SLC5A12: variants seen among roughly 807,000 people sequenced by gnomAD.
SLC5A12 encodes sodium-coupled monocarboxylate transporter 2.
Under a neutral mutation model 72.7 loss-of-function variants are expected in SLC5A12, and 46 were observed. The ratio of observed to expected loss-of-function variants is 0.63; its 90% confidence interval spans 0.50 to 0.81. The LOEUF is 0.81. Among genes scored for constraint, SLC5A12 ranks in the 30% least tolerant of loss-of-function variants. SLC5A12 has a pLI of 0.00. For synonymous variants in SLC5A12, 275 were observed against 264.4 expected (o/e 1.04, Z -0.39); for missense variants, 683 against 740.7 (o/e 0.92, Z 0.90).
intron 12 of SLC5A12, among the ~76,000 whole-genome samples, chr11:26,679,798 G>C (rs890226559): frequency 6.6e-6 from 1 of 152,096 alleles, no homozygotes; most frequent in Non-Finnish European, 1.5e-5. Context: ...AAAAGGTTGT[G>C]TTTTATTCCA....
At chr11:26,682,843 G>C (rs1854441348) in intron 11 of SLC5A12, among the ~76,000 whole-genome samples, 1 of 151,956 alleles carries the variant, frequency 6.6e-6, no homozygotes, top group African/African-American at 2.4e-5. Flanking sequence ...CCCAATATCA[G>C]ACAAGTGATT....
In SLC5A12 at chr11:26,671,047, T is replaced by TGTGTGTGTGTG; in HGVS notation, c.*54_*55insCACACACACAC. ...CAAGTAGGCAAGAAGTATGTGGAGT[T>TGTGTGTGTGTG]TGTGTGTGTGTGTGTGTATTGCACG... On this transcript the variant is annotated 3_prime_UTR_variant, in exon 15 of 15. Coordinates refer to ENST00000396005, the MANE Select transcript of SLC5A12 (RefSeq NM_178498.4). The TGTGTGTGTGTG allele has an allele frequency of 1.5e-6, 2 of 1,354,112 alleles. No individual in the cohort carries two copies. The highest frequency in any genetic ancestry group is 2.0e-6 in the Non-Finnish European group (2 of 991,512). The allele number at this position is 1,354,112 out of a possible 1,614,324, so 83.9% of individuals were successfully genotyped here.
intron 4 of SLC5A12, among the ~76,000 whole-genome samples, chr11:26,708,431 G>T (rs1855140956): frequency 6.6e-6 from 1 of 152,024 alleles, no homozygotes; most frequent in South Asian, 2.1e-4. Flanking sequence ...AATGGGATTT[G>T]CAAGTATGAA....
At chr11:26,695,388 G>A (rs1169051538) in intron 8 of SLC5A12, among the ~76,000 whole-genome samples, 1 of 151,820 alleles carries the variant, frequency 6.6e-6, no homozygotes, top group Non-Finnish European at 1.5e-5. Context: ...AATAAAGCAG[G>A]AACTTCACTT....
chr11:26,690,240 T>C (rs1024717286), intron 9 of SLC5A12, among the ~76,000 whole-genome samples: 1 of 152,060 alleles, frequency 6.6e-6, no homozygotes, highest in Admixed American at 6.6e-5. Context: ...TAGTAATGAA[T>C]AGCCAAAATT....
intron 6 of SLC5A12, among the ~76,000 whole-genome samples, chr11:26,700,657 C>T (rs2133190053): frequency 6.6e-6 from 1 of 152,266 alleles, no homozygotes; most frequent in Admixed American, 6.5e-5. Context: ...CCTGCATCAA[C>T]TCCTTCTACC....
chr11:26,696,717 C>T (rs1174141933), intron 8 of SLC5A12, among the ~76,000 whole-genome samples: 2 of 152,162 alleles, frequency 1.3e-5, no homozygotes, highest in Non-Finnish European at 1.5e-5. Context: ...GGGCTATCAT[C>T]ATATATGCAG....
intron 10 of SLC5A12, among the ~76,000 whole-genome samples, chr11:26,685,389 G>T (rs1290612650): frequency 6.6e-6 from 1 of 152,144 alleles, no homozygotes; most frequent in Non-Finnish European, 1.5e-5. Flanking sequence ...GGAGGCCGAG[G>T]CTGGTGGATC....
chr11:26,721,533 A>C lies in SLC5A12; in HGVS notation c.182T>G (p.Phe61Cys), dbSNP rs1855480490. ...GPVGLSLTAS[F>C]MSAVTVLGTP... ...CCCCAGGACCGTGACAGCTGACATG[A>C]AGCTGGCTGTCAGAGACAAGCCGAC... The change falls in exon 1 of 15, where the codon TTC (phenylalanine) becomes TGC (cysteine). Residue 61 changes from phenylalanine (F) to cysteine (C), a missense_variant. Transcript: ENST00000396005. 6.2e-7 allele frequency: 1 copy of C among 1,614,048 alleles called. No individual in the cohort carries two copies. The highest frequency in any genetic ancestry group is 1.3e-5 in the African/African-American group (1 of 74,932).
At chr11:26,722,463 G>A (rs986994728), upstream of SLC5A12, among the ~76,000 whole-genome samples, 6 of 152,142 alleles carry the variant, frequency 3.9e-5, no homozygotes, top group Admixed American at 1.3e-4. Flanking sequence ...GACTCTCTTT[G>A]TCTTGATCTG....
chr11:26,670,515 ACT>A lies in SLC5A12; in HGVS notation c.*585_*586del, dbSNP rs10611887. ...TAATGTTTGGTCAGGACAGCTAATG[ACT>A]GGAATGACTGGAAGAGGACCTGACA... is the stretch of plus-strand genomic sequence containing the variant. On this transcript the variant is annotated 3_prime_UTR_variant, in exon 15 of 15. Coordinates refer to ENST00000396005, the MANE Select transcript of SLC5A12 (RefSeq NM_178498.4). The A allele has an allele frequency of 0.28, 42,817 of 151,574 alleles. 6,198 individuals carry two copies. The highest frequency in any genetic ancestry group is 0.46 in the East Asian group (2,345 of 5,086). The allele number at this position is 151,574 out of a possible 1,614,324, so 9.4% of individuals were successfully genotyped here. A position where few individuals can be genotyped will look rare whatever the true frequency, so the allele number is the denominator to read the frequency against.
chr11:26,676,280 A>G (rs991862020), intron 13 of SLC5A12, among the ~76,000 whole-genome samples: 2 of 151,956 alleles, frequency 1.3e-5, no homozygotes, highest in Non-Finnish European at 2.9e-5. Flanking sequence ...CTTTGTTGCC[A>G]CTACTCAACT....
At position 26,678,822 on chromosome 11, in the gene SLC5A12, A is replaced by C; in HGVS notation, c.1476-7T>G. ...GGTATCAGCTATTCCAGGTCTGTGG[A>C]GAACAGCACATGTCACCAATTCCAT... is the stretch of plus-strand genomic sequence containing the variant. On this transcript the variant is annotated splice_region_variant and splice_polypyrimidine_tract_variant and intron_variant, in intron 12 of 14. Transcript: ENST00000396005. 1 of 1,590,932 alleles carries C rather than the reference A, an allele frequency of 6.3e-7. No homozygotes were observed. Among genetic ancestry groups the C allele is most frequent in the South Asian group, 1.1e-5 (1 of 90,230 alleles).
intron 7 of SLC5A12, among the ~76,000 whole-genome samples, chr11:26,698,041 G>A (rs1202839108): frequency 6.6e-6 from 1 of 151,896 alleles, no homozygotes; most frequent in Non-Finnish European, 1.5e-5. Context: ...GGGATTACAG[G>A]TGCCCGCCAC....
At chr11:26,719,764 C>T (rs1855435076) in intron 1 of SLC5A12, among the ~76,000 whole-genome samples, 1 of 152,170 alleles carries the variant, frequency 6.6e-6, no homozygotes, top group African/African-American at 2.4e-5. Flanking sequence ...TGAATATGGA[C>T]ATTCTCTACT....
Position 26,678,058 on chromosome 11 carries a change from A to T in SLC5A12, c.1579+654T>A, listed in dbSNP as rs539397678. ...AGACACTTTGCTAAAAATGGCTTAC[A>T]GTGAAGCTGCTCACTGCAGAGAACT... On this transcript the variant is annotated intron_variant, in intron 13 of 14. Coordinates refer to ENST00000396005, the MANE Select transcript of SLC5A12 (RefSeq NM_178498.4). Among the ~76,000 whole-genome samples the T allele has an allele frequency of 3.6e-4, 55 of 152,262 alleles. No homozygotes were observed. In the South Asian group the frequency reaches 0.011, roughly 32 times the overall value.
intron 6 of SLC5A12, among the ~76,000 whole-genome samples, chr11:26,700,332 G>A (rs1227972153): frequency 6.6e-6 from 1 of 151,998 alleles, no homozygotes; most frequent in Non-Finnish European, 1.5e-5. Context: ...TCTATACAGG[G>A]CTAATTCTTC....
chr11:26,703,394 T>C (rs1488529879), intron 6 of SLC5A12, 137 bp downstream of exon 6: 6 of 891,160 alleles, frequency 6.7e-6, no homozygotes, highest in Non-Finnish European at 9.8e-6. Flanking sequence ...GTTAAGTGAG[T>C]CTCTCTGCCT....
At chr11:26,710,555 G>A (rs998858411) in intron 3 of SLC5A12, among the ~76,000 whole-genome samples, 3 of 151,892 alleles carry the variant, frequency 2.0e-5, no homozygotes, top group Admixed American at 6.6e-5. Flanking sequence ...GGCATGAGAT[G>A]GTATCTCATT....
Sources: allele counts gnomAD v4.1 joint callset (sites outside exome capture counted in the v4.1 genomes callset), GRCh38; gene constraint gnomAD v4.1.1; transcripts MANE v1.5; gene names NCBI Gene and HGNC (gene_info 2026-07-23, HGNC 2026-07-21).